Variants in ADAMTSL1 observed in about 807,000 individuals in gnomAD.
ADAMTSL1 encodes ADAMTS-like protein 1.
Under a neutral mutation model 201.8 loss-of-function variants are expected in ADAMTSL1, and 126 were observed. The observed-to-expected ratio is 0.62, with a 90% CI of 0.54 to 0.72. The LOEUF (loss-of-function observed/expected upper bound fraction) is 0.72. Ranked by LOEUF, ADAMTSL1 falls within the 30% of genes least tolerant of loss-of-function variation. The pLI, the probability that ADAMTSL1 is intolerant of heterozygous loss-of-function variation, is 0.00. For synonymous variants in ADAMTSL1, 1,121 were observed against 903.4 expected (o/e 1.24, Z -4.32); for missense variants, 2,679 against 2,277.8 (o/e 1.18, Z -3.59).
chr9:18,734,695 G>T (rs1818407218), intron 15 of ADAMTSL1, among the ~76,000 whole-genome samples: 1 of 152,210 alleles, frequency 6.6e-6, no homozygotes, highest in Non-Finnish European at 1.5e-5. Flanking sequence ...TAGAGAAGGT[G>T]ACCTTGAGAA....
intron 2 of ADAMTSL1, among the ~76,000 whole-genome samples, chr9:18,433,419 A>G (rs557313848): frequency 6.6e-6 from 1 of 152,274 alleles, no homozygotes; most frequent in East Asian, 1.9e-4. Flanking sequence ...ACTATAATAT[A>G]AATTATTGGA....
At chr9:18,486,537 C>G (rs1822004951) in intron 1 of ADAMTSL1, among the ~76,000 whole-genome samples, 1 of 152,106 alleles carries the variant, frequency 6.6e-6, no homozygotes, top group African/African-American at 2.4e-5. Context: ...AACCTCATCT[C>G]TAAGAAAAAA....
chr9:18,354,738 T>C (rs1304167847), intron 2 of ADAMTSL1, among the ~76,000 whole-genome samples: 3 of 152,060 alleles, frequency 2.0e-5, no homozygotes, highest in Non-Finnish European at 4.4e-5. Flanking sequence ...AAGGCTGAAG[T>C]TGGTGGATCA....
intron 3 of ADAMTSL1, among the ~76,000 whole-genome samples, chr9:18,547,101 G>A (rs1034542620): frequency 5.3e-5 from 8 of 152,058 alleles, no homozygotes; most frequent in Admixed American, 3.9e-4. Flanking sequence ...ATAGCAGATC[G>A]TTTTTGACTA....
chr9:18,535,878 C>T (rs182640406), intron 3 of ADAMTSL1, among the ~76,000 whole-genome samples: 5 of 152,202 alleles, frequency 3.3e-5, no homozygotes, highest in Admixed American at 2.0e-4. Context: ...TTATCTCCAC[C>T]TGGTTCTTCC....
intron 2 of ADAMTSL1, among the ~76,000 whole-genome samples, chr9:18,212,016 C>T (rs185449558): frequency 8.5e-5 from 13 of 152,186 alleles, no homozygotes; most frequent in Admixed American, 8.5e-4. Context: ...AAGGACAGAA[C>T]CTGGGACTCT....
intron 19 of ADAMTSL1, among the ~76,000 whole-genome samples, chr9:18,789,656 A>C (rs961732333): frequency 6.6e-6 from 1 of 152,222 alleles, no homozygotes; most frequent in East Asian, 1.9e-4. Flanking sequence ...AAGGCTTCGT[A>C]GTGGAGTTTT....
intron 2 of ADAMTSL1, among the ~76,000 whole-genome samples, chr9:18,272,219 A>T (rs922302478): frequency 2.0e-5 from 3 of 152,162 alleles, no homozygotes; most frequent in African/African-American, 7.2e-5. Flanking sequence ...CTACAAGGCT[A>T]CAGTAACCAA....
At chr9:17,955,505 G>A (rs559520191) in intron 1 of ADAMTSL1, among the ~76,000 whole-genome samples, 32 of 152,200 alleles carry the variant, frequency 2.1e-4, no homozygotes, top group African/African-American at 7.0e-4. Flanking sequence ...AGTCACCCAC[G>A]GTCAGCTTTG....
At chr9:18,740,047 A>G (rs1254317920) in intron 15 of ADAMTSL1, among the ~76,000 whole-genome samples, 1 of 152,112 alleles carries the variant, frequency 6.6e-6, no homozygotes, top group Non-Finnish European at 1.5e-5. Flanking sequence ...TGCATGGGAA[A>G]TGGCTTCATC....
chr9:17,981,093 A>T (rs574494011), intron 1 of ADAMTSL1, among the ~76,000 whole-genome samples: 25 of 152,322 alleles, frequency 1.6e-4, no homozygotes, highest in African/African-American at 5.8e-4. Context: ...TCCTACTTCT[A>T]ACATTGGGGC....
chr9:18,879,352 T>A (rs967001545), intron 23 of ADAMTSL1, among the ~76,000 whole-genome samples: 1 of 152,214 alleles, frequency 6.6e-6, no homozygotes, highest in African/African-American at 2.4e-5. Context: ...CATGAATCTG[T>A]GTAACTAACC....
intron 1 of ADAMTSL1, among the ~76,000 whole-genome samples, chr9:18,048,412 G>A (rs1273919295): frequency 2.6e-5 from 4 of 152,040 alleles, no homozygotes; most frequent in African/African-American, 9.7e-5. Flanking sequence ...AAATACATTA[G>A]GTAAAAATAA....
chr9:18,523,581 C>T (rs1192772501), intron 2 of ADAMTSL1, among the ~76,000 whole-genome samples: 2 of 151,818 alleles, frequency 1.3e-5, no homozygotes, highest in Non-Finnish European at 2.9e-5. Flanking sequence ...TTAGGTCTAA[C>T]GTTGAAGTCT....
intron 2 of ADAMTSL1, among the ~76,000 whole-genome samples, chr9:18,328,867 C>A (rs1344206044): frequency 6.6e-6 from 1 of 152,122 alleles, no homozygotes. Flanking sequence ...ACAGGATGTC[C>A]CCAAACCATG....
chr9:18,820,460 C>T (rs774535886), intron 21 of ADAMTSL1, among the ~76,000 whole-genome samples: 3 of 152,184 alleles, frequency 2.0e-5, no homozygotes, highest in Non-Finnish European at 4.4e-5. Flanking sequence ...TGTTCAAAGT[C>T]GTTCTCTCCA....
At chr9:17,936,344 C>A (rs774141083) in intron 1 of ADAMTSL1, among the ~76,000 whole-genome samples, 6 of 152,116 alleles carry the variant, frequency 3.9e-5, no homozygotes, top group Non-Finnish European at 7.4e-5. Context: ...CTGCTAGGCA[C>A]CATTGAGGTA....
chr9:18,789,733 C>T (rs1268970407), intron 19 of ADAMTSL1, among the ~76,000 whole-genome samples: 1 of 151,964 alleles, frequency 6.6e-6, no homozygotes, highest in East Asian at 1.9e-4. Context: ...AGAACTAGAA[C>T]TTGTTCTTAA....
chr9:18,735,636 C>G (rs1818455285), intron 15 of ADAMTSL1, among the ~76,000 whole-genome samples: 1 of 151,992 alleles, frequency 6.6e-6, no homozygotes, highest in South Asian at 2.1e-4. Context: ...CCCCACATGT[C>G]AAACATGGGT....
Sources: allele counts gnomAD v4.1 joint callset (sites outside exome capture counted in the v4.1 genomes callset), GRCh38; gene constraint gnomAD v4.1.1; transcripts MANE v1.5; gene names NCBI Gene and HGNC (gene_info 2026-07-23, HGNC 2026-07-21).